DNM2: variants seen among roughly 807,000 people sequenced by gnomAD.
DNM2 encodes dynamin 2, also known as dynamin-2.
Under a neutral mutation model 99.0 loss-of-function variants are expected in DNM2, and 15 were observed. That is an observed-to-expected ratio of 0.15 (90% CI 0.10 to 0.23). DNM2 has a LOEUF of 0.23. Among genes scored for constraint, DNM2 ranks in the 10% least tolerant of loss-of-function variants. DNM2 has a pLI of 1.00. For synonymous variants in DNM2, 525 were observed against 481.2 expected, an observed-to-expected ratio of 1.09 and a Z score of -1.19; for missense variants, 742 against 1,189.4, an observed-to-expected ratio of 0.62 and a Z score of 5.53.
At chr19:10,734,370 C>T (rs1425426152) in intron 1 of DNM2, among the ~76,000 whole-genome samples, 1 of 148,922 alleles carries the variant, frequency 6.7e-6, no homozygotes, top group African/African-American at 2.5e-5. Flanking sequence ...GAAGGGAGGC[C>T]AGGTACAGTG....
rs141875236 is a variant in DNM2, at chr19:10,776,908, T to A, written c.590-210T>A. On this transcript the variant is annotated intron_variant, in intron 4 of 20. Transcript: ENST00000389253. ...GTTGAGTATTTGCCGTGTGCCAGGCTCACCCTTATGACCACCCTGTGAGAT... is the reference window on the plus strand; with the variant it reads ...GTTGAGTATTTGCCGTGTGCCAGGCACACCCTTATGACCACCCTGTGAGAT... Among the ~76,000 whole-genome samples, 65 of 152,314 alleles carry A rather than the reference T, an allele frequency of 4.3e-4. 2 individuals carry two copies. In the East Asian group the frequency reaches 0.012, roughly 28 times the overall value.
chr19:10,748,344 G>C (rs1382299619), intron 1 of DNM2, among the ~76,000 whole-genome samples: 1 of 152,164 alleles, frequency 6.6e-6, no homozygotes, highest in Non-Finnish European at 1.5e-5. Context: ...AAACCAGCAG[G>C]ACTCGCGGCT....
At chr19:10,759,510 C>T (rs1182581620) in intron 1 of DNM2, 13 of 598,234 alleles carry the variant, frequency 2.2e-5, no homozygotes, top group Non-Finnish European at 3.9e-5. Flanking sequence ...CACAGCCTGC[C>T]AGAGGGAAAT....
At chr19:10,729,164 CAAAAAAAAAAAAAAAAA>C (rs919370114) in intron 1 of DNM2, among the ~76,000 whole-genome samples, 2 of 44,428 alleles carry the variant, frequency 4.5e-5, no homozygotes, top group African/African-American at 1.6e-4. Context: ...GACTCCGTCT[CAAAAAAAAAAAAAAAAA>C]AAAAAAAAAT....
At position 10,830,580 on chromosome 19, in the gene DNM2, T is replaced by A; in HGVS notation, c.2543+202T>A. The stretch of plus-strand genomic sequence containing the variant: ...GTGTCACAGAGTAGCGGAGCCCTGG[T>A]GACTCCGGGGCTCCCAGCTTGCCCT... On this transcript the variant is annotated intron_variant, in intron 20 of 20. Transcript: ENST00000389253. This position sits in a 1 kb window ranked among gnomAD's most constrained non-coding sequence, Gnocchi z 4.8. 7.3e-6 allele frequency: 5 copies of A among 681,528 alleles called. No individual in the cohort carries two copies. The highest frequency in any genetic ancestry group is 9.7e-6 in the Non-Finnish European group (4 of 412,132). The allele number at this position is 681,528 out of a possible 1,614,324, so 42.2% of individuals were successfully genotyped here. A position where few individuals can be genotyped will look rare whatever the true frequency, so the allele number is the denominator to read the frequency against.
At chr19:10,808,411 T>C (rs2072427539) in intron 13 of DNM2, 158 bp from the exon 14 acceptor site, 1 of 656,104 alleles carries the variant, frequency 1.5e-6, no homozygotes, top group Non-Finnish European at 2.5e-6. Context: ...TAATAGCATG[T>C]AATTTTTTTT....
chr19:10,802,385 C>A (rs764238249), intron 12 of DNM2, 27 bp downstream of exon 12: 2 of 1,611,708 alleles, frequency 1.2e-6, no homozygotes, highest in Non-Finnish European at 1.7e-6. Context: ...ACTGGCTGGT[C>A]GGGCGGCACC....
intron 11 of DNM2, among the ~76,000 whole-genome samples, chr19:10,801,294 A>G (rs1834519906): frequency 6.6e-6 from 1 of 151,330 alleles, no homozygotes; most frequent in African/African-American, 2.4e-5. Flanking sequence ...TAACACAGTG[A>G]GACTCTGTCT....
At chr19:10,730,006 C>T (rs1408305771) in intron 1 of DNM2, among the ~76,000 whole-genome samples, 1 of 152,054 alleles carries the variant, frequency 6.6e-6, no homozygotes, top group African/African-American at 2.4e-5. Context: ...GGGACAACAA[C>T]CACATGCCAC....
chr19:10,784,819 A>ATTT (rs35575438), intron 6 of DNM2, among the ~76,000 whole-genome samples: 3,102 of 99,314 alleles, frequency 0.031, 182 homozygotes, highest in Non-Finnish European at 0.033. Flanking sequence ...TTTTTTGATG[A>ATTT]TTTTTTTTTT....
At chr19:10,759,843 A>G (rs1352596945) in intron 2 of DNM2, 32 bp downstream of exon 2, 1 of 1,613,622 alleles carries the variant, frequency 6.2e-7, no homozygotes, top group Non-Finnish European at 8.5e-7. Flanking sequence ...TTCAGCAGGA[A>G]GTGGATGTGG....
chr19:10,760,939 G>A (rs1159586503), intron 2 of DNM2, among the ~76,000 whole-genome samples: 2 of 150,378 alleles, frequency 1.3e-5, no homozygotes, highest in African/African-American at 4.9e-5. Context: ...GGGATTATAG[G>A]CATGAACCAT....
At chr19:10,803,774 C>A in intron 12 of DNM2, 1 of 839,036 alleles carries the variant, frequency 1.2e-6, no homozygotes, top group Non-Finnish European at 1.4e-6. Flanking sequence ...CGCTGAAGAG[C>A]TACGGGGTGC....
intron 5 of DNM2, among the ~76,000 whole-genome samples, chr19:10,781,041 A>AAG (rs869045884): frequency 2.3e-5 from 3 of 129,390 alleles, no homozygotes; most frequent in Non-Finnish European, 5.0e-5. Flanking sequence ...AAAAAAAAAA[A>AAG]TCCGTGTGTG....
At chr19:10,736,802 G>T (rs969529803) in intron 1 of DNM2, among the ~76,000 whole-genome samples, 1 of 152,062 alleles carries the variant, frequency 6.6e-6, no homozygotes, top group African/African-American at 2.4e-5. Flanking sequence ...CTTTAACCTT[G>T]TCCTCACCCC....
chr19:10,793,678 G>A, intron 7 of DNM2, 42 bp from the exon 8 acceptor site: 9 of 1,614,134 alleles, frequency 5.6e-6, no homozygotes, highest in Non-Finnish European at 7.6e-6. Context: ...GAGTAGTGTG[G>A]AAACCTCCGT....
chr19:10,824,665 T>C, intron 17 of DNM2: 1 of 255,914 alleles, frequency 3.9e-6, no homozygotes, highest in Non-Finnish European at 7.7e-6. Context: ...TACCCAGGCA[T>C]GGTGGCGCAC....
At chr19:10,821,217 G>T (rs549200280) in intron 16 of DNM2, among the ~76,000 whole-genome samples, 2 of 152,238 alleles carry the variant, frequency 1.3e-5, no homozygotes, top group Non-Finnish European at 1.5e-5. Flanking sequence ...AACCTTCATA[G>T]CTCTTCTAGG....
At chr19:10,739,464 G>C (rs1267465030) in intron 1 of DNM2, among the ~76,000 whole-genome samples, 1 of 152,178 alleles carries the variant, frequency 6.6e-6, no homozygotes, top group African/African-American at 2.4e-5. Flanking sequence ...CTTTCTGTCT[G>C]TGAATTTGCC....
Sources: allele counts gnomAD v4.1 joint callset (sites outside exome capture counted in the v4.1 genomes callset), GRCh38; gene constraint gnomAD v4.1.1; non-coding constraint Gnocchi (gnomAD v3.1); transcripts MANE v1.5; gene names NCBI Gene and HGNC (gene_info 2026-07-23, HGNC 2026-07-21).